The following ARID1B variants were observed in gnomAD, a reference collection of about 807,000 sequenced individuals.
ARID1B encodes AT-rich interactive domain-containing protein 1B.
In ARID1B, 30 loss-of-function variants were observed where a neutral mutation model predicts 212.3. The observed-to-expected ratio is 0.14, with a 90% CI of 0.11 to 0.19. ARID1B has a LOEUF of 0.19. ARID1B is among the 10% of genes least tolerant of loss of function. The pLI, the probability that ARID1B is intolerant of heterozygous loss-of-function variation, is 1.00. For synonymous variants in ARID1B, 1,402 were observed against 1,301.7 expected (o/e 1.08, Z -1.66); for missense variants, 2,891 against 3,204.0 (o/e 0.90, Z 2.36).
chr6:157,163,438 T>G (rs1249839912), intron 8 of ARID1B, among the ~76,000 whole-genome samples: 1 of 152,216 alleles, frequency 6.6e-6, no homozygotes, highest in Non-Finnish European at 1.5e-5. Context: ...AGTGCGAGCC[T>G]TCTTTTGGTA....
intron 2 of ARID1B, among the ~76,000 whole-genome samples, chr6:156,844,249 A>AT: frequency 6.6e-6 from 1 of 152,054 alleles, no homozygotes; most frequent in Non-Finnish European, 1.5e-5. Flanking sequence ...ATCTTGTTTG[A>AT]TTTTTTGTTT....
chr6:156,798,824 A>G (rs1395708436), intron 1 of ARID1B, among the ~76,000 whole-genome samples: 1 of 152,192 alleles, frequency 6.6e-6, no homozygotes, highest in Non-Finnish European at 1.5e-5. Flanking sequence ...GGGTTAAAGC[A>G]TGGTCAGCAT....
chr6:157,098,777 G>A (rs1785844950), intron 5 of ARID1B, among the ~76,000 whole-genome samples: 1 of 152,160 alleles, frequency 6.6e-6, no homozygotes, highest in Non-Finnish European at 1.5e-5. Context: ...GTCCTGAGTG[G>A]AGTGGCAAGT....
intron 2 of ARID1B, chr6:156,829,727 G>A (rs1025558061): frequency 4.4e-6 from 1 of 225,544 alleles, no homozygotes; most frequent in Non-Finnish European, 8.7e-6. Context: ...AGTGAACTTG[G>A]CATTCCAACA....
intron 4 of ARID1B, among the ~76,000 whole-genome samples, chr6:157,014,665 G>T (rs557475049): frequency 6.6e-6 from 1 of 152,290 alleles, no homozygotes; most frequent in East Asian, 1.9e-4. Context: ...AGAGTTTGGG[G>T]TGATACCAAC....
chr6:156,945,177 C>A (rs554758359), intron 4 of ARID1B, among the ~76,000 whole-genome samples: 1 of 144,718 alleles, frequency 6.9e-6, no homozygotes, highest in Non-Finnish European at 1.5e-5. Flanking sequence ...CCTTGTGATC[C>A]GCCCGCCTCT....
chr6:156,910,162 A>C (rs892647571), intron 3 of ARID1B, among the ~76,000 whole-genome samples: 5 of 152,182 alleles, frequency 3.3e-5, no homozygotes, highest in African/African-American at 1.2e-4. Context: ...AGTTAAGATT[A>C]ATTAGAGGGT....
chr6:157,136,314 C>T (rs1463627489), intron 7 of ARID1B, among the ~76,000 whole-genome samples: 1 of 152,070 alleles, frequency 6.6e-6, no homozygotes, highest in Non-Finnish European at 1.5e-5. Context: ...ATGAGAACAC[C>T]AAAGCCTTGA....
chr6:157,090,630 T>C (rs1050853156), intron 5 of ARID1B, among the ~76,000 whole-genome samples: 2 of 152,242 alleles, frequency 1.3e-5, no homozygotes, highest in African/African-American at 4.8e-5. Flanking sequence ...AGAAACAAAA[T>C]AGAGTTGCAT....
chr6:157,035,254 A>T (rs977738667), intron 4 of ARID1B, among the ~76,000 whole-genome samples: 33 of 152,376 alleles, frequency 2.2e-4, no homozygotes, highest in African/African-American at 5.8e-4. Context: ...AATATATTTT[A>T]AAAATAATTC....
chr6:157,158,442 G>C (rs531703008), intron 8 of ARID1B, among the ~76,000 whole-genome samples: 1 of 152,160 alleles, frequency 6.6e-6, no homozygotes, highest in Non-Finnish European at 1.5e-5. Context: ...GAGAACTCAG[G>C]ACCCAGATTA....
chr6:156,778,094 G>C lies in ARID1B; in HGVS notation c.414G>C (p.Pro138=), dbSNP rs2114961948. 1 of 1,540,416 alleles carries C rather than the reference G, an allele frequency of 6.5e-7. No individual in the cohort carries two copies. Among genetic ancestry groups the C allele is most frequent in the Admixed American group, 2.0e-5 (1 of 50,950 alleles). ...AAASSSSSSG[P]GSAMETGLLP... ...CATCCTCTTCCTCCTCGTCGGGCCC[G>C]GGCTCGGCCATGGAGACGGGGCTGC... is the stretch of plus-strand genomic sequence containing the variant. The change falls in exon 1 of 20, where the codon CCG becomes CCC. Residue 138 remains proline, a synonymous_variant. Coordinates refer to ENST00000636930, the MANE Select transcript of ARID1B (RefSeq NM_001374828.1).
chr6:156,975,956 G>GTT (rs35611699), intron 4 of ARID1B, among the ~76,000 whole-genome samples: 1 of 151,878 alleles, frequency 6.6e-6, no homozygotes, highest in Non-Finnish European at 1.5e-5. Context: ...GTTGGGAGCA[G>GTT]TTTTTTTGTG....
rs748924215 is a variant in ARID1B at position 157,207,195 on chromosome 6, G to A, written c.6423G>A (p.Glu2141=). 1 of 1,614,170 alleles carries A rather than the reference G, an allele frequency of 6.2e-7. No individual in the cohort carries two copies. Residue 2141 remains glutamate (E), a synonymous_variant, in exon 20 of 20, where the codon GAG becomes GAA. Transcript: ENST00000636930. The surrounding 1 kb of genome is among the most constrained non-coding windows in gnomAD (Gnocchi z 8.5). ...SKDEWWWDCL[E]VLRDNTLVTL... Reference sequence around the variant, plus strand: ...ATGAGTGGTGGTGGGACTGCCTCGAGGTCTTGAGGGATAACACGTTGGTCA... The same window carrying A: ...ATGAGTGGTGGTGGGACTGCCTCGAAGTCTTGAGGGATAACACGTTGGTCA...
At chr6:156,813,960 C>A (rs963288128) in intron 1 of ARID1B, among the ~76,000 whole-genome samples, 6 of 152,168 alleles carry the variant, frequency 3.9e-5, no homozygotes, top group Non-Finnish European at 8.8e-5. Context: ...TTCATGCTCC[C>A]GCGCTGTGGA....
At chr6:157,031,795 A>T (rs976397781) in intron 4 of ARID1B, among the ~76,000 whole-genome samples, 11 of 146,916 alleles carry the variant, frequency 7.5e-5, no homozygotes, top group East Asian at 2.0e-4. Flanking sequence ...AACAAATGAA[A>T]TTTTTTTTTT....
chr6:156,837,581 A>G (rs879821073), intron 2 of ARID1B, among the ~76,000 whole-genome samples: 3 of 152,212 alleles, frequency 2.0e-5, no homozygotes, highest in Middle Eastern at 3.2e-3. Flanking sequence ...ATGGCAAAAA[A>G]TTCTTTATGG....
intron 3 of ARID1B, among the ~76,000 whole-genome samples, chr6:156,930,648 G>A (rs573867993): frequency 7.2e-5 from 11 of 152,140 alleles, no homozygotes; most frequent in East Asian, 1.9e-4. Context: ...CAACCTAAAT[G>A]TACATCAATA....
chr6:157,062,700 ATATATAT>A (rs1783419408), intron 4 of ARID1B, among the ~76,000 whole-genome samples: 2 of 122,752 alleles, frequency 1.6e-5, no homozygotes, highest in South Asian at 4.6e-4. Context: ...AAATATATAT[ATATATAT>A]TTTTTTTTTT....
Sources: allele counts gnomAD v4.1 joint callset (sites outside exome capture counted in the v4.1 genomes callset), GRCh38; gene constraint gnomAD v4.1.1; non-coding constraint Gnocchi (gnomAD v3.1); transcripts MANE v1.5; gene names NCBI Gene and HGNC (gene_info 2026-07-23, HGNC 2026-07-21).